The following PTPRM variants were observed in gnomAD, a reference collection of about 807,000 sequenced individuals.
The protein encoded by PTPRM is protein tyrosine phosphatase receptor type M, also known as receptor-type tyrosine-protein phosphatase mu.
In PTPRM, 47 loss-of-function variants were observed where a neutral mutation model predicts 186.7. The observed-to-expected ratio is 0.25, with a 90% CI of 0.20 to 0.32. PTPRM has a LOEUF of 0.32. Ranked by LOEUF, PTPRM falls within the 10% of genes least tolerant of loss-of-function variation. PTPRM has a pLI of 1.00. For missense variants in PTPRM, 1,494 were observed against 1,865.0 expected (o/e 0.80, Z 3.66); for synonymous variants, 668 against 674.9 (o/e 0.99, Z 0.16).
chr18:8,088,202 C>T (rs2090530287), intron 10 of PTPRM, among the ~76,000 whole-genome samples: 1 of 152,178 alleles, frequency 6.6e-6, no homozygotes, highest in Admixed American at 6.6e-5. Context: ...GTGTTTTCCA[C>T]TGTCATGCTT....
At chr18:7,580,091 A>G (rs746711626) in intron 1 of PTPRM, among the ~76,000 whole-genome samples, 25 of 152,220 alleles carry the variant, frequency 1.6e-4, no homozygotes, top group Non-Finnish European at 2.9e-4. Context: ...ATAAGTTGAC[A>G]TCTTTAGATT....
chr18:8,102,759 G>T (rs974643813), intron 11 of PTPRM, among the ~76,000 whole-genome samples: 5 of 152,112 alleles, frequency 3.3e-5, no homozygotes, highest in African/African-American at 1.2e-4. Flanking sequence ...AATCACAAAT[G>T]TTCTTAATGG....
chr18:7,588,678 T>C (rs1166162844), intron 1 of PTPRM, among the ~76,000 whole-genome samples: 2 of 152,238 alleles, frequency 1.3e-5, no homozygotes, highest in African/African-American at 4.8e-5. Context: ...ATGATTATAT[T>C]TGGAAACACC....
At chr18:8,297,387 C>G (rs948824304) in intron 20 of PTPRM, among the ~76,000 whole-genome samples, 7 of 152,226 alleles carry the variant, frequency 4.6e-5, no homozygotes, top group Non-Finnish European at 8.8e-5. Context: ...GTTAAACTGT[C>G]TTTGCCTGAG....
chr18:8,157,167 G>A (rs987096236), intron 14 of PTPRM, among the ~76,000 whole-genome samples: 30 of 152,228 alleles, frequency 2.0e-4, no homozygotes, highest in East Asian at 1.9e-3. Context: ...CACCTAGCTC[G>A]GTGTCCCTCA....
At chr18:8,093,228 A>G (rs76234053) in intron 11 of PTPRM, among the ~76,000 whole-genome samples, 136 of 152,110 alleles carry the variant, frequency 8.9e-4, no homozygotes, top group Non-Finnish European at 1.6e-3. Flanking sequence ...TAGACATCCT[A>G]TTCTCTTCTC....
intron 14 of PTPRM, among the ~76,000 whole-genome samples, chr18:8,200,603 GCACAAAT>G (rs2093842349): frequency 6.6e-6 from 1 of 152,248 alleles, no homozygotes; most frequent in Non-Finnish European, 1.5e-5. Flanking sequence ...GACCCACGCA[GCACAAAT>G]CACTAGTTCC....
intron 3 of PTPRM, among the ~76,000 whole-genome samples, chr18:7,902,212 T>C (rs1189900367): frequency 1.3e-5 from 2 of 152,218 alleles, no homozygotes; most frequent in Non-Finnish European, 2.9e-5. Context: ...GGAAACATAT[T>C]TGTAATCAGC....
chr18:7,982,938 G>T (rs991716721), intron 7 of PTPRM, among the ~76,000 whole-genome samples: 6 of 152,074 alleles, frequency 3.9e-5, no homozygotes, highest in Non-Finnish European at 8.8e-5. Context: ...ATGACTCAGG[G>T]CCCTGACCAG....
intron 1 of PTPRM, among the ~76,000 whole-genome samples, chr18:7,583,270 C>T (rs188356931): frequency 5.4e-4 from 82 of 152,268 alleles, no homozygotes; most frequent in Non-Finnish European, 9.6e-4. Context: ...GGTGCTAGGT[C>T]CTTTACATAT....
intron 5 of PTPRM, among the ~76,000 whole-genome samples, chr18:7,928,407 A>G (rs2146821700): frequency 6.6e-6 from 1 of 152,200 alleles, no homozygotes; most frequent in Admixed American, 6.5e-5. Flanking sequence ...CCTACATCCC[A>G]ATTGTTTTAA....
intron 11 of PTPRM, among the ~76,000 whole-genome samples, chr18:8,090,110 T>A (rs2145348191): frequency 6.6e-6 from 1 of 152,276 alleles, no homozygotes; most frequent in Non-Finnish European, 1.5e-5. Flanking sequence ...CCCCAGGCCC[T>A]CTGGGTTGAT....
chr18:7,574,530 T>C (rs1233731197), intron 1 of PTPRM, among the ~76,000 whole-genome samples: 1 of 152,212 alleles, frequency 6.6e-6, no homozygotes, highest in Non-Finnish European at 1.5e-5. Flanking sequence ...CCTTTGTGGA[T>C]GGTAATGGGC....
At chr18:8,127,301 A>G (rs2092392507) in intron 13 of PTPRM, among the ~76,000 whole-genome samples, 1 of 152,114 alleles carries the variant, frequency 6.6e-6, no homozygotes, top group South Asian at 2.1e-4. Flanking sequence ...AGGGTCAGCC[A>G]TATCAAAGGA....
chr18:7,656,029 A>T (rs1372339340), intron 1 of PTPRM, among the ~76,000 whole-genome samples: 1 of 152,172 alleles, frequency 6.6e-6, no homozygotes, highest in African/African-American at 2.4e-5. Context: ...TCCTCAAAAA[A>T]CTAAAAAGAG....
intron 1 of PTPRM, among the ~76,000 whole-genome samples, chr18:7,610,106 T>G (rs922980431): frequency 5.3e-5 from 8 of 152,212 alleles, no homozygotes; most frequent in African/African-American, 1.9e-4. Flanking sequence ...TTTGAAAAGC[T>G]GATAAGGTAA....
chr18:7,629,328 A>G (rs1348423833), intron 1 of PTPRM, among the ~76,000 whole-genome samples: 2 of 152,214 alleles, frequency 1.3e-5, no homozygotes, highest in African/African-American at 4.8e-5. Context: ...GGATTCAAGC[A>G]TTAGGTTGAT....
chr18:7,771,821 T>G (rs887582953), intron 1 of PTPRM, among the ~76,000 whole-genome samples: 4 of 152,236 alleles, frequency 2.6e-5, no homozygotes, highest in African/African-American at 9.6e-5. Flanking sequence ...GTAAGATGGC[T>G]ATTACCACAA....
At chr18:7,802,616 C>A (rs1241713746) in intron 2 of PTPRM, among the ~76,000 whole-genome samples, 5 of 152,118 alleles carry the variant, frequency 3.3e-5, no homozygotes, top group Non-Finnish European at 7.3e-5. Context: ...TAGTATTTAA[C>A]GCTGTATTGC....
Sources: allele counts gnomAD v4.1 joint callset (sites outside exome capture counted in the v4.1 genomes callset), GRCh38; gene constraint gnomAD v4.1.1; transcripts MANE v1.5; gene names NCBI Gene and HGNC (gene_info 2026-07-23, HGNC 2026-07-21).